DNAH11: variants seen among roughly 807,000 people sequenced by gnomAD.
DNAH11 encodes the protein dynein axonemal heavy chain 11, also known as axonemal beta dynein heavy chain 11.
In DNAH11, 442 loss-of-function variants were observed where a neutral mutation model predicts 526.0. That is an observed-to-expected ratio of 0.84 (90% CI 0.78 to 0.91). The LOEUF (loss-of-function observed/expected upper bound fraction) is 0.91, where lower values mean the gene tolerates loss of function less well. Ranked by LOEUF, DNAH11 falls within the 40% of genes least tolerant of loss-of-function variation. The probability of loss-of-function intolerance (pLI) is 0.00; values close to 1 mark genes in which losing one functional copy is unlikely to be tolerated. For missense variants in DNAH11, 6,989 were observed against 5,448.7 expected (o/e 1.28, Z -8.90); for synonymous variants, 2,461 against 1,935.9 (o/e 1.27, Z -7.12).
At chr7:21,560,870 C>A (rs1014883880) in intron 4 of DNAH11, among the ~76,000 whole-genome samples, 3 of 151,978 alleles carry the variant, frequency 2.0e-5, no homozygotes, top group Admixed American at 1.3e-4. Context: ...ATTTAAAAAC[C>A]TAAATGCAAA....
rs115192828 is a variant in DNAH11 at position 21,793,633 on chromosome 7, A to C, written c.10026+4291A>C. Among the ~76,000 whole-genome samples the C allele has an allele frequency of 9.7e-3, 1,465 of 151,330 alleles. 19 individuals are homozygous for C. Among genetic ancestry groups the C allele is most frequent in the African/African-American group, 0.034 (1,387 of 40,996 alleles). ...TCTGTCTCAAAAAAAAAAAAAAAAG[A>C]ATTTGTATTCTGCAGCTGTTAGATG... On this transcript the variant is annotated intron_variant, in intron 61 of 81. Transcript: ENST00000409508.
At chr7:21,613,440 T>C (rs915318355) in intron 20 of DNAH11, among the ~76,000 whole-genome samples, 2 of 152,194 alleles carry the variant, frequency 1.3e-5, no homozygotes, top group Admixed American at 6.5e-5. Flanking sequence ...TATCCTTTTA[T>C]GTGTATAAAA....
At chr7:21,718,350 G>A (rs73682682) in intron 43 of DNAH11, among the ~76,000 whole-genome samples, 1,629 of 152,270 alleles carry the variant, frequency 0.011, 33 homozygotes, top group African/African-American at 0.037. Context: ...CTTGCCCAGA[G>A]AAGGTGCTCA....
intron 30 of DNAH11, among the ~76,000 whole-genome samples, chr7:21,666,370 C>A (rs11514746): frequency 0.082 from 12,420 of 152,026 alleles, 577 homozygotes; most frequent in South Asian, 0.12. Flanking sequence ...AGGAAAGTTT[C>A]TCCACTCCTC....
rs752256608 is a variant in DNAH11 at position 21,617,699 on chromosome 7, C to G, written c.4176C>G (p.Ala1392=). The G allele has an allele frequency of 6.2e-7, 1 of 1,613,836 alleles. No individual in the cohort carries two copies. Among genetic ancestry groups the G allele is most frequent in the Admixed American group, 1.7e-5 (1 of 59,972 alleles). The change falls in exon 23 of 82, where the codon GCC becomes GCG. Residue 1392 remains alanine (A), a synonymous_variant. Coordinates refer to ENST00000409508, the MANE Select transcript of DNAH11 (RefSeq NM_001277115.2). ...GLEGTVKDMT[A]SLRAITELQS... Reference sequence around the variant, plus strand: ...AAGGCACAGTTAAGGACATGACAGCCTCCCTGAGGGCCATCACAGAGTTAC... The same window carrying G: ...AAGGCACAGTTAAGGACATGACAGCGTCCCTGAGGGCCATCACAGAGTTAC...
intron 25 of DNAH11, among the ~76,000 whole-genome samples, chr7:21,625,645 T>G (rs892516718): frequency 6.6e-6 from 1 of 152,148 alleles, no homozygotes; most frequent in Non-Finnish European, 1.5e-5. Context: ...TGCTAAAAAC[T>G]TCCCTCTTAG....
At chr7:21,811,805 A>G (rs973778685) in intron 63 of DNAH11, among the ~76,000 whole-genome samples, 1 of 152,208 alleles carries the variant, frequency 6.6e-6, no homozygotes, top group African/African-American at 2.4e-5. Context: ...AGTAAGTGTT[A>G]TGTTTAAAGA....
chr7:21,773,149 T>C (rs912028859), intron 55 of DNAH11, among the ~76,000 whole-genome samples: 6 of 152,108 alleles, frequency 3.9e-5, no homozygotes, highest in Non-Finnish European at 4.4e-5. Flanking sequence ...GAGGACAAAA[T>C]GGAAAGAATG....
chr7:21,587,054 C>T (rs1583504460), intron 9 of DNAH11, among the ~76,000 whole-genome samples: 1 of 152,182 alleles, frequency 6.6e-6, no homozygotes, highest in Non-Finnish European at 1.5e-5. Flanking sequence ...CACATAGTTC[C>T]TGGGACATAG....
At position 21,591,256 on chromosome 7, in the gene DNAH11, C is replaced by T. The variant is rs376452135; in HGVS notation, c.2346C>T (p.Tyr782=). 6 of 1,604,204 alleles carry T rather than the reference C, an allele frequency of 3.7e-6. No homozygotes were observed. The highest frequency in any genetic ancestry group is 5.1e-6 in the Non-Finnish European group (6 of 1,174,752). ...KLKQTLLEVE[Y]PLIEDELRAI... is the part of the protein sequence containing the mutation. The stretch of plus-strand genomic sequence containing the variant: ...AACAGACGCTCCTGGAAGTTGAATA[C>T]CCTCTGATTGAAGATGAGCTGAGGG... The change falls in exon 14 of 82, where the codon TAC becomes TAT. Residue 782 remains tyrosine, a synonymous_variant. Transcript: ENST00000409508.
chr7:21,785,267 G>A (rs1788124071), intron 58 of DNAH11, among the ~76,000 whole-genome samples: 1 of 152,168 alleles, frequency 6.6e-6, no homozygotes, highest in African/African-American at 2.4e-5. Flanking sequence ...AATTCGTTTT[G>A]TAAGTATTTT....
chr7:21,693,712 T>C (rs746311929), intron 35 of DNAH11, among the ~76,000 whole-genome samples: 1 of 152,186 alleles, frequency 6.6e-6, no homozygotes, highest in Non-Finnish European at 1.5e-5. Flanking sequence ...TTAAGGAACT[T>C]ATTGGTGTTA....
intron 79 of DNAH11, among the ~76,000 whole-genome samples, chr7:21,896,304 G>A (rs1784513706): frequency 6.6e-6 from 1 of 152,108 alleles, no homozygotes; most frequent in Non-Finnish European, 1.5e-5. Flanking sequence ...ATCATCTTGT[G>A]TTTCTGAAAC....
intron 81 of DNAH11, 99 bp from the exon 82 acceptor site, chr7:21,900,908 A>ACCAGAATGTTGAATG: frequency 6.8e-7 from 1 of 1,477,786 alleles, no homozygotes; most frequent in Non-Finnish European, 9.0e-7. Flanking sequence ...ATATGACAAA[A>ACCAGAATGTTGAATG]CCAGAATGTT....
At chr7:21,546,245 C>T (rs1782800186) in intron 2 of DNAH11, among the ~76,000 whole-genome samples, 1 of 152,204 alleles carries the variant, frequency 6.6e-6, no homozygotes, top group Non-Finnish European at 1.5e-5. Flanking sequence ...TCCTGCTGGA[C>T]TAACCAAAGT....
At chr7:21,859,725 T>C (rs746647412) in intron 68 of DNAH11, among the ~76,000 whole-genome samples, 1 of 152,090 alleles carries the variant, frequency 6.6e-6, no homozygotes, top group African/African-American at 2.4e-5. Flanking sequence ...TATATAGATA[T>C]ATTTTTCAAA....
chr7:21,594,375 C>G (rs1414052925), intron 14 of DNAH11, among the ~76,000 whole-genome samples: 2 of 152,090 alleles, frequency 1.3e-5, no homozygotes, highest in Non-Finnish European at 2.9e-5. Flanking sequence ...CAGCACCTTT[C>G]TAGGTTTTTG....
intron 52 of DNAH11, 140 bp downstream of exon 52, chr7:21,748,882 G>A: frequency 1.3e-6 from 1 of 795,078 alleles, no homozygotes; most frequent in Non-Finnish European, 1.8e-6. Flanking sequence ...GCTCTTTAAA[G>A]CAGTAATTGA....
intron 30 of DNAH11, among the ~76,000 whole-genome samples, chr7:21,664,631 G>A (rs529132512): frequency 4.6e-5 from 7 of 151,886 alleles, no homozygotes; most frequent in African/African-American, 1.7e-4. Flanking sequence ...ACTAATTTTT[G>A]TTTTTTTCTT....
Sources: gnomAD v4.1 joint callset for allele counts (sites outside exome capture counted in the v4.1 genomes callset) on GRCh38, gnomAD v4.1.1 for gene constraint, MANE v1.5 for transcripts, NCBI Gene and HGNC (gene_info 2026-07-23, HGNC 2026-07-21) for gene names.